The following PCDHGA3 variants were observed in gnomAD, a reference collection of about 807,000 sequenced individuals.
PCDHGA3 encodes the protein protocadherin gamma subfamily A, 3.
In PCDHGA3, 40 loss-of-function variants were observed where a neutral mutation model predicts 58.5. The ratio of observed to expected loss-of-function variants is 0.68; its 90% CI spans 0.53 to 0.89. The LOEUF (loss-of-function observed/expected upper bound fraction) is 0.89, where lower values mean the gene tolerates loss of function less well. PCDHGA3 is among the 40% of genes least tolerant of loss of function. The pLI is 0.00. For synonymous variants in PCDHGA3, 530 were observed against 525.7 expected (o/e 1.01, Z -0.11); for missense variants, 1,223 against 1,195.9 (o/e 1.02, Z -0.33).
Position 141,417,750 on chromosome 5 carries a change from G to A in PCDHGA3, c.2424+71293G>A, listed in dbSNP as rs1430413607. The A allele has an allele frequency of 1.5e-5, 22 of 1,426,796 alleles. 1 individual carries two copies. In the East Asian group the frequency reaches 5.5e-4, roughly 36 times the overall value. The allele number at this position is 1,426,796 out of a possible 1,614,324, so 88.4% of individuals were successfully genotyped here. On this transcript the variant is annotated intron_variant, in intron 1 of 3. Coordinates refer to ENST00000253812, the MANE Select transcript of PCDHGA3 (RefSeq NM_018916.4). ...CCTTGCCCAGCACACCAGATTGCCA[G>A]CTCCGAGACCCGGGACTCCTCCTGT...
intron 1 of PCDHGA3, among the ~76,000 whole-genome samples, chr5:141,454,658 G>T (rs961640658): frequency 1.3e-5 from 2 of 151,812 alleles, no homozygotes; most frequent in Non-Finnish European, 2.9e-5. Flanking sequence ...TGCCCACCTC[G>T]GCCTCCCAAA....
intron 1 of PCDHGA3, chr5:141,365,372 A>T (rs1763874663): frequency 6.2e-7 from 1 of 1,613,798 alleles, no homozygotes; most frequent in African/African-American, 1.3e-5. Flanking sequence ...CCCCGAAGTG[A>T]TCCTCACCTC....
chr5:141,507,483 T>G (rs2099860964), intron 3 of PCDHGA3, among the ~76,000 whole-genome samples: 1 of 152,184 alleles, frequency 6.6e-6, no homozygotes, highest in South Asian at 2.1e-4. Context: ...GCTGGCCTCC[T>G]GAGGCAGAGC....
Position 141,370,644 on chromosome 5 carries a change from T to A in PCDHGA3, c.2424+24187T>A, listed in dbSNP as rs758086721. The A allele has an allele frequency of 5.6e-6, 9 of 1,613,802 alleles. No homozygotes were observed. The highest frequency in any genetic ancestry group is 7.6e-6 in the Non-Finnish European group (9 of 1,179,900). On this transcript the variant is annotated intron_variant, in intron 1 of 3. Transcript: ENST00000253812. ...TACCGTGAGCCCCGAAAATGGGAAC[T>A]TACTTGTGAGCGACCGTATAGACCG... is the stretch of plus-strand genomic sequence containing the variant.
intron 1 of PCDHGA3, chr5:141,374,135 A>C: frequency 6.2e-7 from 1 of 1,605,796 alleles, no homozygotes; most frequent in Non-Finnish European, 8.5e-7. Flanking sequence ...CCTGCTCCTC[A>C]CGCTCCTGGG....
Position 141,486,407 on chromosome 5 carries a change from C to T in PCDHGA3, c.2425-8400C>T. The T allele has an allele frequency of 6.2e-7, 1 of 1,614,134 alleles. No individual in the cohort carries two copies. Among genetic ancestry groups the T allele is most frequent in the African/African-American group, 1.3e-5 (1 of 75,046 alleles). ...CCAGTTCTCCCTGGTGACTGCTGGA[C>T]CCTTGGATCGAGAGGCCAAATCTAG... On this transcript the variant is annotated intron_variant, in intron 1 of 3. Coordinates refer to ENST00000253812, the MANE Select transcript of PCDHGA3 (RefSeq NM_018916.4). This position sits in a 1 kb window ranked among gnomAD's most constrained non-coding sequence, Gnocchi z 5.0.
At chr5:141,364,516 C>T (rs1182506562) in intron 1 of PCDHGA3, 50 of 1,613,884 alleles carry the variant, frequency 3.1e-5, no homozygotes, top group Non-Finnish European at 4.2e-5. Flanking sequence ...TGGCGGAGCG[C>T]GGAGTCCGCA....
In PCDHGA3 at chr5:141,346,407, C is replaced by T. The variant is rs2149740719; in HGVS notation, c.2374C>T (p.Leu792=). 1 of 1,614,270 alleles carries T rather than the reference C, an allele frequency of 6.2e-7. No individual in the cohort carries two copies. The highest frequency in any genetic ancestry group is 8.5e-7 in the Non-Finnish European group (1 of 1,180,054). Reference sequence around the variant, plus strand: ...GAGCTGTGAGAAAAGCGAGCCTCTTCTGATAACTCAGGATTTACTTGAAAT... The same window carrying T: ...GAGCTGTGAGAAAAGCGAGCCTCTTTTGATAACTCAGGATTTACTTGAAAT... ...QESCEKSEPL[L]ITQDLLEMKG... is the part of the protein sequence containing the mutation. The change falls in exon 1 of 4, where the codon CTG becomes TTG. Residue 792 remains leucine, a synonymous_variant. Coordinates refer to ENST00000253812, the MANE Select transcript of PCDHGA3 (RefSeq NM_018916.4).
chr5:141,477,504 A>T lies in PCDHGA3; in HGVS notation c.2425-17303A>T, dbSNP rs1396003792. Reference sequence around the variant, plus strand: ...CCACAATCTTCTCAATCTTCCTACGACGTTTACATTGAAGAAAACAACCTC... The same window carrying T: ...CCACAATCTTCTCAATCTTCCTACGTCGTTTACATTGAAGAAAACAACCTC... On this transcript the variant is annotated intron_variant, in intron 1 of 3. Coordinates refer to ENST00000253812, the MANE Select transcript of PCDHGA3 (RefSeq NM_018916.4). This position sits in a 1 kb window ranked among gnomAD's most constrained non-coding sequence, Gnocchi z 4.9. The T allele has an allele frequency of 4.3e-6, 7 of 1,613,982 alleles. No homozygotes were observed. In the Admixed American group the frequency reaches 8.3e-5, roughly 19 times the overall value.
At chr5:141,409,447 A>G (rs764648085) in intron 1 of PCDHGA3, 3 of 1,614,008 alleles carry the variant, frequency 1.9e-6, no homozygotes, top group Admixed American at 1.7e-5. Flanking sequence ...GAGAGCAGAC[A>G]CCAGAATACA....
At chr5:141,347,066 CCTTCCTCT>C (rs1757859037) in intron 1 of PCDHGA3, among the ~76,000 whole-genome samples, 9 of 149,974 alleles carry the variant, frequency 6.0e-5, no homozygotes, top group Admixed American at 4.0e-4. Context: ...TTCCTTCCTT[CCTTCCTCT>C]CTCTCTTTCC....
intron 1 of PCDHGA3, chr5:141,399,630 G>A: frequency 1.9e-6 from 3 of 1,613,874 alleles, no homozygotes; most frequent in Non-Finnish European, 1.7e-6. Flanking sequence ...CCTCTTACGT[G>A]TCCATGAGCG....
intron 2 of PCDHGA3, among the ~76,000 whole-genome samples, chr5:141,503,365 G>A (rs2099819492): frequency 6.6e-6 from 1 of 152,020 alleles, no homozygotes; most frequent in East Asian, 1.9e-4. Flanking sequence ...GGGAAGCGGA[G>A]GCAGGTGGAT....
intron 2 of PCDHGA3, among the ~76,000 whole-genome samples, chr5:141,501,110 G>A (rs1373404247): frequency 2.6e-5 from 4 of 151,908 alleles, no homozygotes; most frequent in Admixed American, 6.6e-5. Flanking sequence ...CTCGTGATCC[G>A]CCTGCCTCAG....
At chr5:141,428,019 G>C in intron 1 of PCDHGA3, 1 of 1,604,824 alleles carries the variant, frequency 6.2e-7, no homozygotes, top group Non-Finnish European at 8.5e-7. Flanking sequence ...AGTGCCACGC[G>C]CCGCAGAGTC....
intron 1 of PCDHGA3, chr5:141,361,827 C>A: frequency 6.2e-7 from 1 of 1,612,982 alleles, no homozygotes. Flanking sequence ...GGGTGCTGTA[C>A]CCCGCGCTGG....
At position 141,432,204 on chromosome 5, in the gene PCDHGA3, A is replaced by G. The variant is rs1204867610; in HGVS notation, c.2425-62603A>G. On this transcript the variant is annotated intron_variant, in intron 1 of 3. Coordinates refer to ENST00000253812, the MANE Select transcript of PCDHGA3 (RefSeq NM_018916.4). This position sits in a 1 kb window ranked among gnomAD's most constrained non-coding sequence, Gnocchi z 6.0. ...GTGACCGCCCACGACCCCGACTGTG[A>G]AGAGAACGCCCAGATCACTTATTCC... 1.9e-6 allele frequency: 3 copies of G among 1,614,070 alleles called. No homozygotes were observed. Among genetic ancestry groups the G allele is most frequent in the African/African-American group, 2.7e-5 (2 of 74,928 alleles).
intron 1 of PCDHGA3, chr5:141,395,266 T>C (rs1369566717): frequency 1.9e-6 from 3 of 1,548,854 alleles, no homozygotes; most frequent in Non-Finnish European, 8.7e-7. Context: ...TTGCTTTTAA[T>C]TTCCAGATGA....
At chr5:141,510,844 C>A in intron 3 of PCDHGA3, 103 bp from the exon 4 acceptor site, 1 of 1,592,684 alleles carries the variant, frequency 6.3e-7, no homozygotes, top group South Asian at 1.1e-5. Context: ...GTGGTCAAGG[C>A]CCAGGGTGCT....
Sources: gnomAD v4.1 joint callset for allele counts (sites outside exome capture counted in the v4.1 genomes callset) on GRCh38, gnomAD v4.1.1 for gene constraint, Gnocchi (gnomAD v3.1) non-coding constraint, MANE v1.5 for transcripts, NCBI Gene and HGNC (gene_info 2026-07-23, HGNC 2026-07-21) for gene names.